Variants in CSNK1G1 observed in about 807,000 individuals in gnomAD.
The protein encoded by CSNK1G1 is casein kinase I isoform gamma-1.
A neutral mutation model predicts 59.6 loss-of-function variants in CSNK1G1; 22 were observed. That is an observed-to-expected ratio of 0.37 (90% CI 0.26 to 0.53). CSNK1G1 has a LOEUF of 0.53. Ranked by LOEUF, CSNK1G1 falls within the 20% of genes least tolerant of loss-of-function variation. The pLI is 0.89. For synonymous variants in CSNK1G1, 179 were observed against 177.1 expected, an observed-to-expected ratio of 1.01 and a Z score of -0.08; for missense variants, 384 against 519.5, an observed-to-expected ratio of 0.74 and a Z score of 2.54.
intron 1 of CSNK1G1, among the ~76,000 whole-genome samples, chr15:64,308,368 G>C (rs1566942055): frequency 6.6e-6 from 1 of 152,098 alleles, no homozygotes. Context: ...CACAGTGTTG[G>C]GATTACAGGA....
intron 1 of CSNK1G1, among the ~76,000 whole-genome samples, chr15:64,308,687 G>C (rs1308106344): frequency 6.6e-6 from 1 of 152,030 alleles, no homozygotes; most frequent in Non-Finnish European, 1.5e-5. Context: ...ACGAGGTCAG[G>C]AGATCGAGAC....
At chr15:64,189,464 G>T in intron 10 of CSNK1G1, 1 of 1,284,052 alleles carries the variant, frequency 7.8e-7, no homozygotes, top group South Asian at 1.3e-5. Context: ...ATGCTCAGCT[G>T]TAACAGTCCT....
At chr15:64,193,044 C>T (rs1462643802) in intron 10 of CSNK1G1, among the ~76,000 whole-genome samples, 3 of 152,062 alleles carry the variant, frequency 2.0e-5, no homozygotes, top group Non-Finnish European at 4.4e-5. Flanking sequence ...CATTAACTGT[C>T]TTCAACTATA....
chr15:64,189,941 C>T (rs1283415045), intron 10 of CSNK1G1, among the ~76,000 whole-genome samples: 1 of 151,906 alleles, frequency 6.6e-6, no homozygotes, highest in African/African-American at 2.4e-5. Flanking sequence ...GCCTCAGCCT[C>T]CTGAGTAGTT....
At chr15:64,305,404 G>T (rs1169864984) in intron 1 of CSNK1G1, among the ~76,000 whole-genome samples, 1 of 152,036 alleles carries the variant, frequency 6.6e-6, no homozygotes, top group African/African-American at 2.4e-5. Flanking sequence ...GGCTTGAAAT[G>T]CATTTAAGCT....
intron 1 of CSNK1G1, among the ~76,000 whole-genome samples, chr15:64,331,310 T>G (rs1596286837): frequency 7.1e-6 from 1 of 140,190 alleles, no homozygotes. Context: ...AACAGCATGG[T>G]ACTAGTACCA....
At chr15:64,233,694 ATTTTGT>A (rs1176248215) in intron 4 of CSNK1G1, among the ~76,000 whole-genome samples, 1 of 152,136 alleles carries the variant, frequency 6.6e-6, no homozygotes, top group Non-Finnish European at 1.5e-5. Flanking sequence ...AAATATCAGG[ATTTTGT>A]TTTTGTTTTT....
intron 10 of CSNK1G1, among the ~76,000 whole-genome samples, chr15:64,201,733 TGTGTGTGTGTGTGTGTG>T (rs2082111540): frequency 2.0e-5 from 3 of 150,580 alleles, no homozygotes; most frequent in Admixed American, 6.6e-5. Context: ...TGTGTGTGTG[TGTGTGTGTGTGTGTGTG>T]TTTATATACT....
chr15:64,346,354 C>CA (rs1423908036), intron 1 of CSNK1G1, among the ~76,000 whole-genome samples: 1 of 148,956 alleles, frequency 6.7e-6, no homozygotes, highest in Non-Finnish European at 1.5e-5. Context: ...ATGTAAACTA[C>CA]AAAACGATAA....
intron 4 of CSNK1G1, among the ~76,000 whole-genome samples, chr15:64,232,285 T>C (rs1303887050): frequency 6.6e-6 from 1 of 152,200 alleles, no homozygotes; most frequent in African/African-American, 2.4e-5. Flanking sequence ...TTATTGGTTT[T>C]TGTTCCAAGC....
intron 2 of CSNK1G1, among the ~76,000 whole-genome samples, chr15:64,268,611 T>G (rs1893109284): frequency 1.3e-5 from 2 of 152,202 alleles, no homozygotes; most frequent in African/African-American, 4.8e-5. Flanking sequence ...AACTGGGGTG[T>G]TTTGTTTGTT....
In CSNK1G1 at chr15:64,277,865, T is replaced by TTTAATAATAATATTGATATAG. The variant is rs1893810599; in HGVS notation, c.182-18625_182-18624insCTATATCAATATTATTATTAA. On this transcript the variant is annotated intron_variant, in intron 2 of 11. Coordinates refer to ENST00000303052, the MANE Select transcript of CSNK1G1 (RefSeq NM_022048.5). ...TATATTTAATAATAATATTGATATA[T>TTTAATAATAATATTGATATAG]TTAATAATAATATTGATATATTTAA... Among the ~76,000 whole-genome samples the TTTAATAATAATATTGATATAG allele has an allele frequency of 4.2e-5, 6 of 141,302 alleles. No individual in the cohort carries two copies. In the South Asian group the frequency reaches 1.3e-3, roughly 30 times the overall value. 92.7% of individuals were successfully genotyped at this position (141,302 alleles called of 152,430 possible).
At chr15:64,182,254 G>A (rs2140212888) in intron 10 of CSNK1G1, among the ~76,000 whole-genome samples, 1 of 151,906 alleles carries the variant, frequency 6.6e-6, no homozygotes, top group Admixed American at 6.6e-5. Context: ...TTTGTTTTTA[G>A]TAGAGATGGG....
chr15:64,229,902 ATTTTTTTTTTTTTT>A lies in CSNK1G1; in HGVS notation c.293-13203_293-13190del, dbSNP rs533868270. Among the ~76,000 whole-genome samples, 199 of 43,806 alleles carry A rather than the reference ATTTTTTTTTTTTTT, an allele frequency of 4.5e-3. 6 individuals carry two copies. The highest frequency in any genetic ancestry group is 0.018 in the East Asian group (17 of 934). 28.7% of individuals were successfully genotyped at this position (43,806 alleles called of 152,430 possible). A position where few individuals can be genotyped will look rare whatever the true frequency, so the allele number is the denominator to read the frequency against. On this transcript the variant is annotated intron_variant, in intron 4 of 11. Coordinates refer to ENST00000303052, the MANE Select transcript of CSNK1G1 (RefSeq NM_022048.5). ...CCTATATTTTTGGGCATGTTTGTAA[ATTTTTTTTTTTTTT>A]TTTTTTTTTTTTTTTTTTTTTTTAA...
At position 64,300,392 on chromosome 15, in the gene CSNK1G1, C is replaced by T. The variant is rs745898011; in HGVS notation, c.108G>A (p.Gly36=). 1 of 1,614,116 alleles carries T rather than the reference C, an allele frequency of 6.2e-7. No homozygotes were observed. Among genetic ancestry groups the T allele is most frequent in the Non-Finnish European group, 8.5e-7 (1 of 1,180,014 alleles). The change falls in exon 2 of 12, where the codon GGG becomes GGA. Residue 36 remains glycine, a synonymous_variant. Transcript: ENST00000303052. ...TGAAGTTGGGTCCCACCATAAGAAC[C>T]CCAGAGGACGATGAGGAGCCAGATG... is the stretch of plus-strand genomic sequence containing the variant. The part of the protein sequence containing the change: ...SRPSGSSSSS[G]VLMVGPNFRV...
intron 3 of CSNK1G1, 43 bp from the exon 4 acceptor site, chr15:64,251,624 G>A: frequency 7.0e-7 from 1 of 1,423,186 alleles, no homozygotes; most frequent in Non-Finnish European, 9.9e-7. Context: ...TTAAACAAAT[G>A]GGATTTTTCC....
chr15:64,351,172 T>C (rs2140494029), intron 1 of CSNK1G1, among the ~76,000 whole-genome samples: 1 of 152,256 alleles, frequency 6.6e-6, no homozygotes, highest in Non-Finnish European at 1.5e-5. Flanking sequence ...TGCTTTAAAA[T>C]AAAAATGAGC....
At position 64,183,829 on chromosome 15, in the gene CSNK1G1, G is replaced by A. The variant is rs548268991; in HGVS notation, c.1108-3375C>T. Reference sequence around the variant, plus strand: ...TGGCTCACTGCAACCTCTACCTCCCGAGTTCAAGCGATTCTCCTGCCTCAG... The same window carrying A: ...TGGCTCACTGCAACCTCTACCTCCCAAGTTCAAGCGATTCTCCTGCCTCAG... On this transcript the variant is annotated intron_variant, in intron 10 of 11. Transcript: ENST00000303052. 6.0e-5 allele frequency among the ~76,000 whole-genome samples: 9 copies of A among 150,164 alleles called. No homozygotes were observed. The South Asian group carries it at 1.7e-3, about 28-fold the overall frequency.
At chr15:64,343,208 AAC>A (rs3057760) in intron 1 of CSNK1G1, among the ~76,000 whole-genome samples, 14 of 110,014 alleles carry the variant, frequency 1.3e-4, no homozygotes, top group South Asian at 5.5e-4. Context: ...GCAAAACTCC[AAC>A]ACACACACAC....
Sources: allele counts gnomAD v4.1 joint callset (sites outside exome capture counted in the v4.1 genomes callset), GRCh38; gene constraint gnomAD v4.1.1; transcripts MANE v1.5; gene names NCBI Gene and HGNC (gene_info 2026-07-23, HGNC 2026-07-21).